TMEM87A: variants seen among roughly 807,000 people sequenced by gnomAD.
The protein encoded by TMEM87A is Golgi-pH regulating cation channel.
In TMEM87A, 50 loss-of-function variants were observed where a neutral mutation model predicts 90.0. The observed-to-expected ratio is 0.56, with a 90% CI of 0.44 to 0.70. The LOEUF (loss-of-function observed/expected upper bound fraction) is 0.70, where lower values mean the gene tolerates loss of function less well. Among genes scored for constraint, TMEM87A ranks in the 30% least tolerant of loss-of-function variants. The pLI is 0.00. For synonymous variants in TMEM87A, 226 were observed against 226.7 expected (o/e 1.00, Z 0.03); for missense variants, 577 against 660.5 (o/e 0.87, Z 1.39).
chr15:42,263,758 A>C (rs1289624236), intron 4 of TMEM87A, among the ~76,000 whole-genome samples: 1 of 152,222 alleles, frequency 6.6e-6, no homozygotes, highest in Non-Finnish European at 1.5e-5. Context: ...GGGGAAAAAA[A>C]AAGTACTGGA....
At chr15:42,222,681 C>A (rs527684979) in intron 15 of TMEM87A, among the ~76,000 whole-genome samples, 1 of 152,096 alleles carries the variant, frequency 6.6e-6, no homozygotes, top group Non-Finnish European at 1.5e-5. Flanking sequence ...GTCTCAGCCT[C>A]CCAAGTAGCT....
At chr15:42,246,050 G>C (rs1414466166) in intron 6 of TMEM87A, among the ~76,000 whole-genome samples, 2 of 152,078 alleles carry the variant, frequency 1.3e-5, no homozygotes, top group Non-Finnish European at 2.9e-5. Flanking sequence ...TTAAGCAGTA[G>C]CTCCCCATTT....
intron 15 of TMEM87A, 84 bp from the exon 16 acceptor site, chr15:42,220,219 T>C (rs2050452390): frequency 5.4e-6 from 5 of 928,512 alleles, no homozygotes; most frequent in Admixed American, 4.8e-5. Flanking sequence ...AAACTAATTA[T>C]TGAAACTGCA....
chr15:42,230,303 G>A (rs1368938760), intron 12 of TMEM87A, among the ~76,000 whole-genome samples: 1 of 152,166 alleles, frequency 6.6e-6, no homozygotes, highest in Non-Finnish European at 1.5e-5. Flanking sequence ...TACTAATCTA[G>A]AAAAGCTTTG....
At chr15:42,223,089 T>C (rs746442140) in intron 15 of TMEM87A, among the ~76,000 whole-genome samples, 32 of 152,166 alleles carry the variant, frequency 2.1e-4, no homozygotes, top group Non-Finnish European at 2.9e-4. Flanking sequence ...ATACAAAATA[T>C]ATCAGAAATT....
chr15:42,271,168 G>A (rs902975658), intron 2 of TMEM87A, among the ~76,000 whole-genome samples: 1 of 152,184 alleles, frequency 6.6e-6, no homozygotes, highest in South Asian at 2.1e-4. Flanking sequence ...TTTAGATTCA[G>A]ATACAGTCAT....
At chr15:42,262,858 T>C (rs2051323498) in intron 4 of TMEM87A, among the ~76,000 whole-genome samples, 1 of 152,222 alleles carries the variant, frequency 6.6e-6, no homozygotes, top group Non-Finnish European at 1.5e-5. Context: ...ACTATAACTA[T>C]TTTCAACACA....
intron 4 of TMEM87A, among the ~76,000 whole-genome samples, chr15:42,262,608 G>A (rs1043189959): frequency 2.6e-5 from 4 of 151,850 alleles, no homozygotes; most frequent in African/African-American, 9.7e-5. Context: ...GTAGAGACAG[G>A]GTTTCACCAT....
At position 42,233,260 on chromosome 15, in the gene TMEM87A, G is replaced by C; in HGVS notation, c.1015C>G (p.Leu339Val). 6.2e-7 allele frequency: 1 copy of C among 1,614,016 alleles called. No individual in the cohort carries two copies. The highest frequency in any genetic ancestry group is 8.5e-7 in the Non-Finnish European group (1 of 1,179,994). Residue 339 changes from leucine to valine, a missense_variant, in exon 11 of 20, where the codon CTC becomes GTC. Physicochemically the swap from Leu to Val is conservative, Grantham distance 32. Transcript: ENST00000389834. Reference sequence around the variant, plus strand: ...TCCATGCCAGAGAACAAAAGATAGAGGGCTCCTGCTACTACAACCTTATGA... The same window carrying C: ...TCCATGCCAGAGAACAAAAGATAGACGGCTCCTGCTACTACAACCTTATGA... ...TLHKVVVAGALYLLFSGMEGV... is the reference protein window; with the variant it reads ...TLHKVVVAGAVYLLFSGMEGV...
chr15:42,266,569 C>T (rs12913755), intron 3 of TMEM87A, among the ~76,000 whole-genome samples: 142,987 of 151,902 alleles, frequency 0.94, 67,833 homozygotes, highest in Non-Finnish European at 1. Context: ...TGACTTGTAA[C>T]GATATTACAA....
At chr15:42,213,546 C>CA (rs1266490824) in intron 19 of TMEM87A, among the ~76,000 whole-genome samples, 2 of 151,912 alleles carry the variant, frequency 1.3e-5, no homozygotes, top group Admixed American at 6.6e-5. Flanking sequence ...CCAGTATGAA[C>CA]AAAAAAAGAG....
At chr15:42,226,138 T>C (rs2050587180) in intron 15 of TMEM87A, among the ~76,000 whole-genome samples, 1 of 152,132 alleles carries the variant, frequency 6.6e-6, no homozygotes, top group Non-Finnish European at 1.5e-5. Context: ...TAGCTGGGAT[T>C]ACAGGCATCC....
chr15:42,239,657 TAA>T lies in TMEM87A; in HGVS notation c.684+11_684+12del, dbSNP rs767201934. 1 of 1,609,866 alleles carries T rather than the reference TAA, an allele frequency of 6.2e-7. No individual in the cohort carries two copies. The highest frequency in any genetic ancestry group is 8.5e-7 in the Non-Finnish European group (1 of 1,176,190). ...CATCCAATACTGAGGTTAAATAATA[TAA>T]AGTCACTTACAATCATCAAGGGATA... On this transcript the variant is annotated intron_variant, in intron 8 of 19. Coordinates refer to ENST00000389834, the MANE Select transcript of TMEM87A (RefSeq NM_015497.5).
intron 9 of TMEM87A, 130 bp downstream of exon 9, chr15:42,237,302 C>A (rs1368678419): frequency 1.4e-5 from 12 of 845,242 alleles, no homozygotes; most frequent in Non-Finnish European, 1.9e-5. Context: ...CATAGTGATT[C>A]TGCTTAAGAT....
intron 6 of TMEM87A, among the ~76,000 whole-genome samples, chr15:42,256,408 T>C (rs984490961): frequency 6.6e-6 from 1 of 152,222 alleles, no homozygotes; most frequent in African/African-American, 2.4e-5. Context: ...TAAAAAGTGC[T>C]GAGATTACCA....
At chr15:42,212,797 T>C (rs1482771938) in intron 19 of TMEM87A, among the ~76,000 whole-genome samples, 1 of 152,212 alleles carries the variant, frequency 6.6e-6, no homozygotes, top group African/African-American at 2.4e-5. Context: ...AAAGATGTTG[T>C]TGAAGAGCCT....
intron 19 of TMEM87A, among the ~76,000 whole-genome samples, chr15:42,216,082 T>C (rs2140909966): frequency 6.6e-6 from 1 of 152,318 alleles, no homozygotes; most frequent in Middle Eastern, 3.4e-3. Context: ...TGACATGTGC[T>C]ACAACTTAGA....
intron 6 of TMEM87A, among the ~76,000 whole-genome samples, chr15:42,255,247 C>A (rs1360273986): frequency 6.6e-6 from 1 of 152,100 alleles, no homozygotes; most frequent in African/African-American, 2.4e-5. Context: ...CATTCTCCTG[C>A]CTCAGCCTCC....
intron 19 of TMEM87A, among the ~76,000 whole-genome samples, chr15:42,214,084 T>C (rs2140907180): frequency 6.6e-6 from 1 of 152,058 alleles, no homozygotes; most frequent in South Asian, 2.1e-4. Flanking sequence ...CCTAGAAGTA[T>C]ACAATCTACC....
Sources: allele counts gnomAD v4.1 joint callset (sites outside exome capture counted in the v4.1 genomes callset), GRCh38; gene constraint gnomAD v4.1.1; transcripts MANE v1.5; gene names NCBI Gene and HGNC (gene_info 2026-07-23, HGNC 2026-07-21).